The following GPM6A variants were observed in gnomAD, a reference collection of about 807,000 sequenced individuals.
GPM6A encodes neuronal membrane glycoprotein M6-a.
Under a neutral mutation model 32.1 loss-of-function variants are expected in GPM6A, and 7 were observed. That is an observed-to-expected ratio of 0.22 (90% CI 0.12 to 0.41). The LOEUF (loss-of-function observed/expected upper bound fraction) is 0.41. Ranked by LOEUF, GPM6A falls within the 10% of genes least tolerant of loss-of-function variation. The probability of loss-of-function intolerance (pLI) is 1.00; values close to 1 mark genes in which losing one functional copy is unlikely to be tolerated. For synonymous variants in GPM6A, 130 were observed against 123.4 expected (o/e 1.05, Z -0.35); for missense variants, 235 against 347.2 (o/e 0.68, Z 2.57).
intron 2 of GPM6A, among the ~76,000 whole-genome samples, chr4:175,682,550 C>T (rs1355398232): frequency 6.6e-6 from 1 of 152,136 alleles, no homozygotes; most frequent in Non-Finnish European, 1.5e-5. Context: ...GTAGCCTCTC[C>T]CATCACAGGC....
chr4:176,002,376 C>A, upstream of GPM6A: 1 of 1,557,716 alleles, frequency 6.4e-7, no homozygotes, highest in African/African-American at 1.4e-5. Context: ...CTGCGCGGGG[C>A]CAAGTTCTCC....
intron 1 of GPM6A, among the ~76,000 whole-genome samples, chr4:175,924,175 A>G (rs1738758400): frequency 6.6e-6 from 1 of 152,228 alleles, no homozygotes; most frequent in Non-Finnish European, 1.5e-5. Context: ...CTCTCATTTT[A>G]ACACATGCTT....
intron 1 of GPM6A, among the ~76,000 whole-genome samples, chr4:175,859,109 G>A (rs1253602755): frequency 6.6e-6 from 1 of 152,104 alleles, no homozygotes; most frequent in Admixed American, 6.5e-5. Context: ...TTCCCAAGAG[G>A]CATGAAGAAA....
chr4:175,914,586 G>A (rs1031703785), intron 1 of GPM6A, among the ~76,000 whole-genome samples: 2 of 152,340 alleles, frequency 1.3e-5, no homozygotes, highest in East Asian at 3.9e-4. Context: ...GCCTCCCAAA[G>A]TGCTGGAATT....
rs368254912 is a variant in GPM6A at position 175,674,647 on chromosome 4, T to C, written c.231-811A>G. On this transcript the variant is annotated intron_variant, in intron 2 of 6. Transcript: ENST00000393658. Reference sequence around the variant, plus strand: ...ATAAAATGATACAAATTCCATATTTTTACGTTACAGATAGTCAATTATAGT... The same window carrying C: ...ATAAAATGATACAAATTCCATATTTCTACGTTACAGATAGTCAATTATAGT... 2.6e-5 allele frequency among the ~76,000 whole-genome samples: 4 copies of C among 152,364 alleles called. 1 individual carries two copies. The highest frequency in any genetic ancestry group is 1.9e-4 in the East Asian group (1 of 5,188).
chr4:175,761,144 C>T (rs1375954355), intron 1 of GPM6A, among the ~76,000 whole-genome samples: 3 of 152,086 alleles, frequency 2.0e-5, no homozygotes, highest in East Asian at 1.9e-4. Context: ...CTTGCTTTAG[C>T]GCAAAAATTT....
At chr4:175,770,236 G>C (rs1329592937) in intron 1 of GPM6A, among the ~76,000 whole-genome samples, 1 of 152,180 alleles carries the variant, frequency 6.6e-6, no homozygotes, top group African/African-American at 2.4e-5. Flanking sequence ...ATGTTGGCCA[G>C]GTTGGTCTCG....
intron 1 of GPM6A, among the ~76,000 whole-genome samples, chr4:175,908,504 T>C (rs1738201859): frequency 6.6e-6 from 1 of 152,082 alleles, no homozygotes; most frequent in Non-Finnish European, 1.5e-5. Context: ...AAACATAGAC[T>C]GAAAATCCTC....
chr4:175,991,078 T>TC (rs1741124514), intron 1 of GPM6A, among the ~76,000 whole-genome samples: 1 of 149,948 alleles, frequency 6.7e-6, no homozygotes, highest in Admixed American at 6.6e-5. Context: ...TTTCTTTCTT[T>TC]TTTTTTTTTT....
chr4:175,960,138 T>C (rs980224639), intron 1 of GPM6A, among the ~76,000 whole-genome samples: 1 of 152,206 alleles, frequency 6.6e-6, no homozygotes, highest in Non-Finnish European at 1.5e-5. Context: ...CCTGACTTGT[T>C]TTCTTAAATA....
At chr4:175,879,372 G>C (rs763836668) in intron 1 of GPM6A, among the ~76,000 whole-genome samples, 1 of 152,160 alleles carries the variant, frequency 6.6e-6, no homozygotes, top group Non-Finnish European at 1.5e-5. Flanking sequence ...AAATGCCCAA[G>C]ACTGTGTAAT....
chr4:175,889,590 T>C (rs933297573), intron 1 of GPM6A, among the ~76,000 whole-genome samples: 10 of 146,808 alleles, frequency 6.8e-5, no homozygotes, highest in African/African-American at 2.0e-4. Flanking sequence ...CCGAGGCGGG[T>C]GGATCACAAC....
At position 175,796,020 on chromosome 4, in the gene GPM6A, C is replaced by G. The variant is rs550094875; in HGVS notation, c.37+16171G>C. 5 of 152,284 alleles carry G rather than the reference C, an allele frequency of 3.3e-5. No individual in the cohort carries two copies. In the South Asian group the frequency reaches 1.0e-3, roughly 32 times the overall value. The allele number at this position is 152,284 out of a possible 1,614,324, so 9.4% of individuals were successfully genotyped here. ...TAACAGCTTAATTGCAATCTTGTCA[C>G]TTTCTAACAGGCCACCCTGTTTTTC... On this transcript the variant is annotated intron_variant, in intron 1 of 6. Transcript: ENST00000393658.
At chr4:175,697,985 G>A (rs934410663) in intron 2 of GPM6A, among the ~76,000 whole-genome samples, 25 of 152,160 alleles carry the variant, frequency 1.6e-4, no homozygotes, top group Admixed American at 1.2e-3. Context: ...ATAGTCACAC[G>A]TCATTGCGTT....
intron 1 of GPM6A, among the ~76,000 whole-genome samples, chr4:175,858,082 T>C (rs1186130014): frequency 2.0e-5 from 3 of 151,944 alleles, no homozygotes; most frequent in African/African-American, 7.3e-5. Context: ...ACTGGAGAGG[T>C]AGGCTATGTA....
intron 1 of GPM6A, among the ~76,000 whole-genome samples, chr4:175,832,488 T>G (rs1473087839): frequency 6.8e-6 from 1 of 146,694 alleles, no homozygotes; most frequent in Non-Finnish European, 1.5e-5. Flanking sequence ...CATCATAAAT[T>G]GTGGTAGGTA....
chr4:175,709,407 A>C (rs899251413), intron 1 of GPM6A, among the ~76,000 whole-genome samples: 3 of 151,176 alleles, frequency 2.0e-5, no homozygotes, highest in African/African-American at 7.3e-5. Context: ...TGGCCAGGAC[A>C]ACCTATGTTT....
chr4:175,906,462 A>G (rs1364095398), intron 1 of GPM6A, among the ~76,000 whole-genome samples: 1 of 152,148 alleles, frequency 6.6e-6, no homozygotes, highest in Non-Finnish European at 1.5e-5. Context: ...ATAAAAACCA[A>G]TTTTAGAAAA....
chr4:175,982,563 G>A (rs1406051616), intron 1 of GPM6A, among the ~76,000 whole-genome samples: 2 of 152,140 alleles, frequency 1.3e-5, no homozygotes, highest in Non-Finnish European at 1.5e-5. Context: ...AAATTGTGAT[G>A]TGGGTTTATC....
Sources: allele counts gnomAD v4.1 joint callset (sites outside exome capture counted in the v4.1 genomes callset), GRCh38; gene constraint gnomAD v4.1.1; transcripts MANE v1.5; gene names NCBI Gene and HGNC (gene_info 2026-07-23, HGNC 2026-07-21).